COX7B2: variants seen among roughly 807,000 people sequenced by gnomAD.
The protein encoded by COX7B2 is cytochrome c oxidase subunit 7B2, also known as cytochrome c oxidase subunit 7B2, mitochondrial.
For missense variants in COX7B2, 109 were observed against 95.9 expected (o/e 1.14, Z -0.57); for synonymous variants, 37 against 32.1 (o/e 1.15, Z -0.51).
At chr4:46,792,764 T>A (rs1220499409) in intron 2 of COX7B2, among the ~76,000 whole-genome samples, 1 of 152,214 alleles carries the variant, frequency 6.6e-6, no homozygotes, top group Non-Finnish European at 1.5e-5. Context: ...TTTTGATACC[T>A]AGAGTGACTG....
chr4:46,755,589 C>T (rs1248852276), intron 2 of COX7B2, among the ~76,000 whole-genome samples: 2 of 151,980 alleles, frequency 1.3e-5, no homozygotes, highest in Non-Finnish European at 2.9e-5. Context: ...CCAAAAAATT[C>T]TCAGATTTGA....
chr4:46,734,835 G>T lies in COX7B2; in HGVS notation c.*112C>A. On this transcript the variant is annotated 3_prime_UTR_variant, in exon 3 of 3. Transcript: ENST00000355591. ...TGACCATTTGCAATGACTTTTTAAA[G>T]ATTTAAAACACATTTTATTTTTTCA... The T allele has an allele frequency of 1.6e-6, 2 of 1,289,438 alleles. No individual in the cohort carries two copies. The highest frequency in any genetic ancestry group is 2.5e-4 in the Middle Eastern group (1 of 3,924). The allele number at this position is 1,289,438 out of a possible 1,614,324, so 79.9% of individuals were successfully genotyped here.
At chr4:46,888,084 T>G (rs1421377793) in intron 1 of COX7B2, among the ~76,000 whole-genome samples, 1 of 152,196 alleles carries the variant, frequency 6.6e-6, no homozygotes, top group Non-Finnish European at 1.5e-5. Flanking sequence ...ACAACTTCAC[T>G]GATAAGCAAT....
At chr4:46,798,340 T>C (rs754663505) in intron 2 of COX7B2, among the ~76,000 whole-genome samples, 17 of 152,164 alleles carry the variant, frequency 1.1e-4, no homozygotes, top group Non-Finnish European at 2.2e-4. Flanking sequence ...GGAGATATTG[T>C]TCTATCTCAT....
At chr4:46,841,912 G>A (rs1715952197) in intron 2 of COX7B2, among the ~76,000 whole-genome samples, 1 of 151,860 alleles carries the variant, frequency 6.6e-6, no homozygotes, top group African/African-American at 2.4e-5. Context: ...GCTTCACAAA[G>A]CCAATGCAAG....
chr4:46,852,335 G>T (rs966220545), intron 1 of COX7B2, among the ~76,000 whole-genome samples: 1 of 151,532 alleles, frequency 6.6e-6, no homozygotes. Context: ...TTCTCATTTC[G>T]CACTTTCTTA....
At chr4:46,822,381 A>T (rs1000005790) in intron 2 of COX7B2, among the ~76,000 whole-genome samples, 2 of 111,008 alleles carry the variant, frequency 1.8e-5, no homozygotes, top group African/African-American at 5.4e-5. Flanking sequence ...TTGAGGAGAT[A>T]AAAAAAAAAA....
At chr4:46,753,385 A>G (rs1295605870) in intron 2 of COX7B2, among the ~76,000 whole-genome samples, 1 of 152,060 alleles carries the variant, frequency 6.6e-6, no homozygotes, top group East Asian at 1.9e-4. Context: ...ATGGAACAGA[A>G]CAGAGCCCTC....
intron 2 of COX7B2, among the ~76,000 whole-genome samples, chr4:46,831,604 A>C (rs1715105782): frequency 6.6e-6 from 1 of 152,136 alleles, no homozygotes; most frequent in South Asian, 2.1e-4. Flanking sequence ...AGGTTTGTAA[A>C]CACACCAATC....
chr4:46,786,541 G>A (rs1717762007), intron 2 of COX7B2, among the ~76,000 whole-genome samples: 1 of 152,122 alleles, frequency 6.6e-6, no homozygotes, highest in African/African-American at 2.4e-5. Context: ...ATAGTCACTT[G>A]TACAATATCT....
chr4:46,858,555 C>T (rs994964811), intron 1 of COX7B2, among the ~76,000 whole-genome samples: 8 of 152,042 alleles, frequency 5.3e-5, no homozygotes, highest in African/African-American at 1.9e-4. Context: ...CTTTAAAATG[C>T]TGCATCTCAA....
At chr4:46,900,502 G>A (rs1464215888) in intron 1 of COX7B2, among the ~76,000 whole-genome samples, 12 of 152,142 alleles carry the variant, frequency 7.9e-5, no homozygotes, top group Non-Finnish European at 2.9e-5. Context: ...GGCAGGGGAG[G>A]AGGGGGGTCT....
intron 2 of COX7B2, among the ~76,000 whole-genome samples, chr4:46,789,035 A>C (rs1717898779): frequency 1.3e-5 from 2 of 152,162 alleles, no homozygotes; most frequent in Admixed American, 1.3e-4. Context: ...TAAACTTAGT[A>C]TTTTGTTTCT....
In COX7B2 at chr4:46,879,350, C is replaced by CA. The variant is rs1718558505; in HGVS notation, c.-105+29809dup. Among the ~76,000 whole-genome samples, 6 of 151,960 alleles carry CA rather than the reference C, an allele frequency of 3.9e-5. No homozygotes were observed. The South Asian group carries it at 1.3e-3, about 32-fold the overall frequency. The stretch of plus-strand genomic sequence containing the variant: ...TTTTTCTTTTTGAGACACGGTCTCA[C>CA]ACTGTCACTCAGGTTGGAGTGCAGC... On this transcript the variant is annotated intron_variant, in intron 1 of 2. Coordinates refer to ENST00000355591, the MANE Select transcript of COX7B2 (RefSeq NM_130902.3).
intron 2 of COX7B2, among the ~76,000 whole-genome samples, chr4:46,759,911 A>G (rs932873507): frequency 3.3e-5 from 5 of 150,862 alleles, no homozygotes; most frequent in African/African-American, 1.2e-4. Flanking sequence ...CTTATCTTAT[A>G]TAAGTTATAT....
chr4:46,906,903 A>G (rs1720426160), intron 1 of COX7B2, among the ~76,000 whole-genome samples: 1 of 152,146 alleles, frequency 6.6e-6, no homozygotes, highest in Non-Finnish European at 1.5e-5. Flanking sequence ...TTTGGGCACA[A>G]TCCTTCAAGG....
chr4:46,829,929 G>A (rs1714952051), intron 2 of COX7B2, among the ~76,000 whole-genome samples: 1 of 152,174 alleles, frequency 6.6e-6, no homozygotes, highest in Non-Finnish European at 1.5e-5. Flanking sequence ...TTAATCAGTT[G>A]TATGGAGAAT....
At chr4:46,908,310 A>C (rs1189676954) in intron 1 of COX7B2, among the ~76,000 whole-genome samples, 3 of 152,064 alleles carry the variant, frequency 2.0e-5, no homozygotes, top group Non-Finnish European at 4.4e-5. Flanking sequence ...CTTAGAAAAA[A>C]CTGCCTCTAC....
intron 2 of COX7B2, among the ~76,000 whole-genome samples, chr4:46,837,427 A>G (rs73245875): frequency 6.6e-6 from 1 of 152,158 alleles, no homozygotes; most frequent in Non-Finnish European, 1.5e-5. Context: ...ATGGACAAAT[A>G]GTGTATGATT....
Sources: allele counts gnomAD v4.1 joint callset (sites outside exome capture counted in the v4.1 genomes callset), GRCh38; gene constraint gnomAD v4.1.1; transcripts MANE v1.5; gene names NCBI Gene and HGNC (gene_info 2026-07-23, HGNC 2026-07-21).